Variants in KLHL1 observed in about 807,000 individuals in gnomAD.
The protein encoded by KLHL1 is kelch like family member 1, also known as kelch-like protein 1.
KLHL1 carries 47 observed loss-of-function variants against 77.7 expected under a neutral mutation model. That is an observed-to-expected ratio of 0.60 (90% CI 0.48 to 0.77). KLHL1 has a LOEUF of 0.77. KLHL1 is among the 30% of genes least tolerant of loss of function. The pLI is 0.00. For synonymous variants in KLHL1, 360 were observed against 325.2 expected, an observed-to-expected ratio of 1.11 and a Z score of -1.15; for missense variants, 925 against 910.8, an observed-to-expected ratio of 1.02 and a Z score of -0.20.
chr13:69,910,496 A>G (rs747304914), intron 4 of KLHL1, among the ~76,000 whole-genome samples: 8 of 152,108 alleles, frequency 5.3e-5, no homozygotes, highest in African/African-American at 9.7e-5. Flanking sequence ...AAAATTATTT[A>G]TTAAGAAACC....
chr13:69,923,374 G>A (rs904245185), intron 4 of KLHL1, among the ~76,000 whole-genome samples: 10 of 152,156 alleles, frequency 6.6e-5, no homozygotes, highest in Admixed American at 1.3e-4. Context: ...GTATGTCTCC[G>A]TTGGAGTTGC....
intron 8 of KLHL1, among the ~76,000 whole-genome samples, chr13:69,729,067 G>T (rs1873428035): frequency 6.6e-6 from 1 of 152,066 alleles, no homozygotes; most frequent in African/African-American, 2.4e-5. Flanking sequence ...ACCAAGCCAA[G>T]ACAGCTACCA....
chr13:69,983,227 T>A (rs1000954707), intron 1 of KLHL1, among the ~76,000 whole-genome samples: 4 of 152,162 alleles, frequency 2.6e-5, no homozygotes, highest in Non-Finnish European at 1.5e-5. Context: ...AGTTATCCTA[T>A]GTTCATTGGT....
At chr13:69,960,293 TA>T (rs35225144) in intron 3 of KLHL1, among the ~76,000 whole-genome samples, 94,691 of 151,560 alleles carry the variant, frequency 0.62, 29,650 homozygotes, top group South Asian at 0.65. Flanking sequence ...AGAAATGCTG[TA>T]AAAAATAAAA....
intron 1 of KLHL1, among the ~76,000 whole-genome samples, chr13:70,092,236 G>T (rs2137443311): frequency 6.6e-6 from 1 of 152,114 alleles, no homozygotes; most frequent in South Asian, 2.1e-4. Flanking sequence ...ATAGTAACTG[G>T]GTATGTAGCA....
intron 7 of KLHL1, among the ~76,000 whole-genome samples, chr13:69,773,707 A>C (rs1002288180): frequency 2.6e-5 from 4 of 151,880 alleles, no homozygotes; most frequent in African/African-American, 9.7e-5. Flanking sequence ...TCTACAATTA[A>C]ATTTAATAAA....
At chr13:70,039,797 G>A (rs1886330008) in intron 1 of KLHL1, among the ~76,000 whole-genome samples, 3 of 151,838 alleles carry the variant, frequency 2.0e-5, no homozygotes, top group Non-Finnish European at 4.4e-5. Context: ...GTACCATCAT[G>A]CCTAGCTAAT....
chr13:69,746,773 G>C (rs1236019593), intron 7 of KLHL1, among the ~76,000 whole-genome samples: 1 of 151,920 alleles, frequency 6.6e-6, no homozygotes, highest in African/African-American at 2.4e-5. Context: ...ACAAATGAGA[G>C]ACCACAGTCA....
intron 1 of KLHL1, among the ~76,000 whole-genome samples, chr13:70,070,248 T>C (rs1282327269): frequency 6.6e-6 from 1 of 151,698 alleles, no homozygotes; most frequent in Admixed American, 6.6e-5. Flanking sequence ...TCCAGGCATA[T>C]AAGAGAAAAG....
intron 7 of KLHL1, among the ~76,000 whole-genome samples, chr13:69,773,889 A>T (rs1875699340): frequency 4.6e-5 from 7 of 150,732 alleles, no homozygotes; most frequent in African/African-American, 1.7e-4. Context: ...ATATACATAG[A>T]ATAAAACGTA....
At chr13:70,073,937 T>C (rs758743307) in intron 1 of KLHL1, among the ~76,000 whole-genome samples, 26 of 151,994 alleles carry the variant, frequency 1.7e-4, no homozygotes, top group Non-Finnish European at 3.1e-4. Flanking sequence ...GCGATTCTCC[T>C]GCCTCAGCCT....
At chr13:69,820,844 A>C (rs537332625) in intron 6 of KLHL1, among the ~76,000 whole-genome samples, 10 of 152,330 alleles carry the variant, frequency 6.6e-5, no homozygotes, top group Middle Eastern at 3.4e-3. Flanking sequence ...GGGTCAAACA[A>C]ATGTGACGTT....
intron 4 of KLHL1, among the ~76,000 whole-genome samples, chr13:69,924,760 C>T (rs1281501651): frequency 6.6e-6 from 1 of 152,180 alleles, no homozygotes; most frequent in East Asian, 1.9e-4. Flanking sequence ...GAGCCCAGAC[C>T]TAAGAGCTCC....
At chr13:69,747,452 G>T (rs567963037) in intron 7 of KLHL1, among the ~76,000 whole-genome samples, 1 of 151,948 alleles carries the variant, frequency 6.6e-6, no homozygotes, top group South Asian at 2.1e-4. Flanking sequence ...TTATCTCATG[G>T]TATTATGATG....
intron 8 of KLHL1, among the ~76,000 whole-genome samples, chr13:69,738,123 A>G (rs1409667080): frequency 6.6e-6 from 1 of 151,822 alleles, no homozygotes; most frequent in Non-Finnish European, 1.5e-5. Flanking sequence ...TCTGAAGTGG[A>G]CTCCCACCAA....
At chr13:69,779,492 C>G (rs1355234519) in intron 7 of KLHL1, among the ~76,000 whole-genome samples, 1 of 149,482 alleles carries the variant, frequency 6.7e-6, no homozygotes, top group Non-Finnish European at 1.5e-5. Context: ...CTTTCCTTTT[C>G]CCTTCTTTCC....
At chr13:69,801,043 C>T (rs1877353605) in intron 6 of KLHL1, among the ~76,000 whole-genome samples, 1 of 152,170 alleles carries the variant, frequency 6.6e-6, no homozygotes, top group Admixed American at 6.5e-5. Context: ...GTAGAATATA[C>T]ATTATTCGGG....
At chr13:69,879,670 T>C (rs1355546149) in intron 5 of KLHL1, among the ~76,000 whole-genome samples, 6 of 152,188 alleles carry the variant, frequency 3.9e-5, no homozygotes, top group African/African-American at 1.2e-4. Flanking sequence ...GTAAAATCCT[T>C]TATTCAATTA....
intron 7 of KLHL1, among the ~76,000 whole-genome samples, chr13:69,785,667 C>A (rs1056573738): frequency 2.0e-5 from 3 of 149,670 alleles, no homozygotes; most frequent in African/African-American, 7.5e-5. Context: ...CAGAGCAGAA[C>A]TGAAGGAAAT....
Sources: gnomAD v4.1 joint callset for allele counts (sites outside exome capture counted in the v4.1 genomes callset) on GRCh38, gnomAD v4.1.1 for gene constraint, MANE v1.5 for transcripts, NCBI Gene and HGNC (gene_info 2026-07-23, HGNC 2026-07-21) for gene names.